The following GALNT18 variants were observed in gnomAD, a reference collection of about 807,000 sequenced individuals.
GALNT18 encodes the protein polypeptide N-acetylgalactosaminyltransferase 18.
Under a neutral mutation model 69.5 loss-of-function variants are expected in GALNT18, and 44 were observed. The ratio of observed to expected loss-of-function variants is 0.63; its 90% confidence interval spans 0.50 to 0.81. The LOEUF is 0.81. Ranked by LOEUF, GALNT18 falls within the 40% of genes least tolerant of loss-of-function variation. GALNT18 has a pLI of 0.00. For synonymous variants in GALNT18, 364 were observed against 318.2 expected, an observed-to-expected ratio of 1.14 and a Z score of -1.53; for missense variants, 715 against 810.0, an observed-to-expected ratio of 0.88 and a Z score of 1.42.
At position 11,562,104 on chromosome 11, in the gene GALNT18, G is replaced by A. The variant is rs537847895; in HGVS notation, c.235+59255C>T. Among the ~76,000 whole-genome samples, 1 of 152,216 alleles carries A rather than the reference G, an allele frequency of 6.6e-6. No homozygotes were observed. Among genetic ancestry groups the A allele is most frequent in the Non-Finnish European group, 1.5e-5 (1 of 68,048 alleles). The stretch of plus-strand genomic sequence containing the variant: ...CTCCCTGCATTAGTTTGCTAGTGCT[G>A]TCCTAACTAAGTAGCACAGACTGGG... On this transcript the variant is annotated intron_variant, in intron 1 of 10. Transcript: ENST00000227756. This position sits in a 1 kb window ranked among gnomAD's most constrained non-coding sequence, Gnocchi z 4.1.
rs1447906128 is a variant in GALNT18, at chr11:11,606,200, T to C, written c.235+15159A>G. 6.6e-6 allele frequency among the ~76,000 whole-genome samples: 1 copy of C among 152,182 alleles called. No individual in the cohort carries two copies. Among genetic ancestry groups the C allele is most frequent in the Non-Finnish European group, 1.5e-5 (1 of 68,046 alleles). On this transcript the variant is annotated intron_variant, in intron 1 of 10. Coordinates refer to ENST00000227756, the MANE Select transcript of GALNT18 (RefSeq NM_198516.3). This position sits in a 1 kb window ranked among gnomAD's most constrained non-coding sequence, Gnocchi z 5.4. ...TTTAGGCAGCTGGTTTATTTATTCA[T>C]GTGTTTACTCAGCAAACTCCTACCT...
At chr11:11,352,801 G>C (rs189116067) in intron 6 of GALNT18, 6 of 1,614,052 alleles carry the variant, frequency 3.7e-6, no homozygotes, top group Non-Finnish European at 5.1e-6. Flanking sequence ...GCGGGGGTTC[G>C]TGACACAGGG....
At chr11:11,310,768 C>G (rs1055428662) in intron 9 of GALNT18, among the ~76,000 whole-genome samples, 30 of 152,104 alleles carry the variant, frequency 2.0e-4, no homozygotes, top group Non-Finnish European at 4.3e-4. Context: ...AGCAACAAAC[C>G]GATTTCAGAA....
At chr11:11,428,520 G>A (rs573614322) in intron 3 of GALNT18, among the ~76,000 whole-genome samples, 79 of 152,360 alleles carry the variant, frequency 5.2e-4, no homozygotes, top group African/African-American at 1.7e-3. Context: ...GCCTCCTGCT[G>A]CCTCCCTGTT....
rs1855879271 is a variant in GALNT18, at chr11:11,454,470, G to T, written c.236-5534C>A. Reference sequence around the variant, plus strand: ...ATATAGGGAGAAGGAAGATAAGGAGGGAGGCAGGGAGAGAAGGAGGCTGTG... The same window carrying T: ...ATATAGGGAGAAGGAAGATAAGGAGTGAGGCAGGGAGAGAAGGAGGCTGTG... On this transcript the variant is annotated intron_variant, in intron 1 of 10. Transcript: ENST00000227756. This position sits in a 1 kb window ranked among gnomAD's most constrained non-coding sequence, Gnocchi z 4.2. Among the ~76,000 whole-genome samples, 1 of 152,006 alleles carries T rather than the reference G, an allele frequency of 6.6e-6. No individual in the cohort carries two copies. The highest frequency in any genetic ancestry group is 6.6e-5 in the Admixed American group (1 of 15,262).
At chr11:11,295,343 G>A (rs1378274605) in intron 9 of GALNT18, among the ~76,000 whole-genome samples, 2 of 152,196 alleles carry the variant, frequency 1.3e-5, no homozygotes, top group Non-Finnish European at 2.9e-5. Context: ...TAGGGTGTCA[G>A]GGAACCACAA....
Position 11,279,546 on chromosome 11 carries a change from C to T in GALNT18, c.1678-8256G>A, listed in dbSNP as rs138384199. 1.5e-3 allele frequency among the ~76,000 whole-genome samples: 232 copies of T among 152,260 alleles called. 2 individuals are homozygous for T. Among genetic ancestry groups the T allele is most frequent in the Middle Eastern group, 0.01 (3 of 294 alleles). ...AATAGTACAGCAGACATATAACTCA[C>T]GGTATATTCATATAATGGAAACCTA... On this transcript the variant is annotated intron_variant, in intron 10 of 10. Transcript: ENST00000227756.
At position 11,498,764 on chromosome 11, in the gene GALNT18, A is replaced by G. The variant is rs190439438; in HGVS notation, c.236-49828T>C. Among the ~76,000 whole-genome samples, 976 of 152,246 alleles carry G rather than the reference A, an allele frequency of 6.4e-3. 15 individuals are homozygous for G. The highest frequency in any genetic ancestry group is 0.022 in the African/African-American group (926 of 41,524). The stretch of plus-strand genomic sequence containing the variant: ...CAATGAGCCAAGATCATGCCACTGC[A>G]CTCCAGCCTGGGCAACAGAGTGAGA... On this transcript the variant is annotated intron_variant, in intron 1 of 10. Transcript: ENST00000227756.
intron 3 of GALNT18, among the ~76,000 whole-genome samples, chr11:11,429,820 C>T (rs567463104): frequency 6.6e-6 from 1 of 152,274 alleles, no homozygotes; most frequent in East Asian, 1.9e-4. Flanking sequence ...ACTAAAGCTT[C>T]TCTAACAGAG....
intron 6 of GALNT18, among the ~76,000 whole-genome samples, chr11:11,366,115 C>T (rs770563325): frequency 2.0e-5 from 3 of 152,192 alleles, no homozygotes; most frequent in East Asian, 1.9e-4. Flanking sequence ...GTGGCTCTGG[C>T]TGTAGTTTCT....
At chr11:11,283,213 A>G (rs989892880) in intron 10 of GALNT18, among the ~76,000 whole-genome samples, 16 of 152,062 alleles carry the variant, frequency 1.1e-4, no homozygotes, top group African/African-American at 3.9e-4. Context: ...GGAGTGCAGT[A>G]GCAGGATCTC....
intron 1 of GALNT18, among the ~76,000 whole-genome samples, chr11:11,548,362 T>C (rs1858112276): frequency 6.6e-6 from 1 of 152,194 alleles, no homozygotes; most frequent in Admixed American, 6.5e-5. Flanking sequence ...GCAGCCTCTG[T>C]CATCCCAAGC....
intron 8 of GALNT18, among the ~76,000 whole-genome samples, chr11:11,327,640 C>A (rs968046479): frequency 6.6e-6 from 1 of 152,198 alleles, no homozygotes; most frequent in Non-Finnish European, 1.5e-5. Flanking sequence ...GCTTGGCCAG[C>A]CCCTTGGTGG....
intron 2 of GALNT18, among the ~76,000 whole-genome samples, chr11:11,445,799 G>A (rs1478921200): frequency 6.6e-6 from 1 of 152,176 alleles, no homozygotes; most frequent in African/African-American, 2.4e-5. Context: ...TTGGTGCCAC[G>A]GGGGAGGTGT....
intron 1 of GALNT18, among the ~76,000 whole-genome samples, chr11:11,530,909 G>A (rs1206233865): frequency 1.3e-5 from 2 of 152,188 alleles, no homozygotes; most frequent in East Asian, 3.9e-4. Flanking sequence ...AGGAGGTAGG[G>A]TCAAGTGGGA....
At chr11:11,565,203 T>C (rs1166253855) in intron 1 of GALNT18, among the ~76,000 whole-genome samples, 1 of 152,204 alleles carries the variant, frequency 6.6e-6, no homozygotes, top group Non-Finnish European at 1.5e-5. Flanking sequence ...CAGAGGTCTA[T>C]AAGGGTCAAG....
chr11:11,440,635 C>T (rs1855514228), intron 2 of GALNT18, among the ~76,000 whole-genome samples: 1 of 152,212 alleles, frequency 6.6e-6, no homozygotes, highest in Non-Finnish European at 1.5e-5. Flanking sequence ...TCCTGCAGTG[C>T]CTGTCTGGCC....
At chr11:11,278,386 G>A (rs1000775611) in intron 10 of GALNT18, among the ~76,000 whole-genome samples, 2 of 151,378 alleles carry the variant, frequency 1.3e-5, no homozygotes, top group South Asian at 2.1e-4. Context: ...CTGGGGGAGG[G>A]ATAGCGTTAG....
intron 1 of GALNT18, among the ~76,000 whole-genome samples, chr11:11,525,300 T>C (rs1191597813): frequency 6.6e-6 from 1 of 151,848 alleles, no homozygotes; most frequent in Non-Finnish European, 1.5e-5. Context: ...TCTAGGGTAA[T>C]AGAAATATTA....
Sources: gnomAD v4.1 joint callset for allele counts (sites outside exome capture counted in the v4.1 genomes callset) on GRCh38, gnomAD v4.1.1 for gene constraint, Gnocchi (gnomAD v3.1) non-coding constraint, MANE v1.5 for transcripts, NCBI Gene and HGNC (gene_info 2026-07-23, HGNC 2026-07-21) for gene names.